KCNIP3: variants seen among roughly 807,000 people sequenced by gnomAD.
KCNIP3 encodes the protein potassium voltage-gated channel interacting protein 3.
A neutral mutation model predicts 35.0 loss-of-function variants in KCNIP3; 28 were observed. That is an observed-to-expected ratio of 0.80 (90% CI 0.59 to 1.10). The LOEUF (loss-of-function observed/expected upper bound fraction) is 1.10. Among genes scored for constraint, KCNIP3 ranks in the 50% least tolerant of loss-of-function variants. KCNIP3 has a pLI of 0.00. For missense variants in KCNIP3, 295 were observed against 338.4 expected (o/e 0.87, Z 1.01); for synonymous variants, 134 against 133.8 (o/e 1.00, Z -0.01).
chr2:95,369,481 T>C (rs1463392383), intron 2 of KCNIP3, among the ~76,000 whole-genome samples: 1 of 152,196 alleles, frequency 6.6e-6, no homozygotes, highest in African/African-American at 2.4e-5. Context: ...AATTGGTCCA[T>C]TTTATAGAAG....
intron 2 of KCNIP3, among the ~76,000 whole-genome samples, chr2:95,348,734 C>A (rs954882313): frequency 6.6e-6 from 1 of 152,206 alleles, no homozygotes; most frequent in Admixed American, 6.5e-5. Flanking sequence ...GCTCCGTTTT[C>A]TGTGGGTATG....
chr2:95,322,976 C>G (rs1386019363), intron 2 of KCNIP3, among the ~76,000 whole-genome samples: 1 of 152,226 alleles, frequency 6.6e-6, no homozygotes, highest in Non-Finnish European at 1.5e-5. Flanking sequence ...TCTTCTTTAC[C>G]CAGGAATTTG....
intron 2 of KCNIP3, among the ~76,000 whole-genome samples, chr2:95,316,287 G>A (rs1678458782): frequency 6.6e-6 from 1 of 152,248 alleles, no homozygotes; most frequent in African/African-American, 2.4e-5. Flanking sequence ...ACATTTAACT[G>A]TGGTGCACAG....
At chr2:95,351,656 A>G (rs1679526706) in intron 2 of KCNIP3, among the ~76,000 whole-genome samples, 2 of 152,318 alleles carry the variant, frequency 1.3e-5, no homozygotes, top group East Asian at 3.9e-4. Context: ...CCTGAAACCA[A>G]AACAAATTTA....
chr2:95,381,819 C>A, intron 6 of KCNIP3, 116 bp downstream of exon 6: 3 of 746,390 alleles, frequency 4.0e-6, no homozygotes, highest in Non-Finnish European at 4.6e-6. Flanking sequence ...CGCTGTCCAT[C>A]CAGAGACTGG....
At chr2:95,371,695 G>A (rs1380050109) in intron 2 of KCNIP3, among the ~76,000 whole-genome samples, 1 of 151,774 alleles carries the variant, frequency 6.6e-6, no homozygotes, top group Non-Finnish European at 1.5e-5. Flanking sequence ...TTAAAGCTCT[G>A]TTACTAGGTG....
chr2:95,328,648 G>A (rs533760508), intron 2 of KCNIP3, among the ~76,000 whole-genome samples: 93 of 152,362 alleles, frequency 6.1e-4, no homozygotes, highest in Admixed American at 1.7e-3. Context: ...TGTGACTGCC[G>A]TCCCTGTGTG....
At chr2:95,323,982 T>A (rs564545948) in intron 2 of KCNIP3, among the ~76,000 whole-genome samples, 1 of 152,172 alleles carries the variant, frequency 6.6e-6, no homozygotes, top group South Asian at 2.1e-4. Context: ...TCATCCACAC[T>A]CCGGGCCTGC....
At chr2:95,332,873 G>T (rs1256154477) in intron 2 of KCNIP3, among the ~76,000 whole-genome samples, 1 of 152,148 alleles carries the variant, frequency 6.6e-6, no homozygotes, top group East Asian at 1.9e-4. Flanking sequence ...GTCCCTCTGG[G>T]CCTCAATTTT....
chr2:95,346,904 T>G, intron 2 of KCNIP3: 1 of 468,998 alleles, frequency 2.1e-6, no homozygotes, highest in South Asian at 6.7e-5. Context: ...CGGGGGCATG[T>G]GAGCCGTCGC....
chr2:95,299,122 C>T (rs1202269282), intron 1 of KCNIP3: 3 of 152,304 alleles, frequency 2.0e-5, no homozygotes, highest in Non-Finnish European at 4.4e-5. Flanking sequence ...TGGTTCTTCC[C>T]TTGGCCATTG....
rs1252490396 is a variant in KCNIP3, at chr2:95,378,859, C to CATATATACACACACACACAT, written c.448-2709_448-2690dup. ...ATATTTATATACACATATATATACA[C>CATATATACACACACACACAT]ATATATACACACACACACATATATA... On this transcript the variant is annotated intron_variant, in intron 5 of 8. Coordinates refer to ENST00000295225, the MANE Select transcript of KCNIP3 (RefSeq NM_013434.5). The surrounding 1 kb of genome is among the most constrained non-coding windows in gnomAD (Gnocchi z 4.0). Among the ~76,000 whole-genome samples the CATATATACACACACACACAT allele has an allele frequency of 6.7e-6, 1 of 149,274 alleles. No homozygotes were observed. Among genetic ancestry groups the CATATATACACACACACACAT allele is most frequent in the African/African-American group, 2.5e-5 (1 of 40,004 alleles).
chr2:95,336,384 G>T (rs1679059328), intron 2 of KCNIP3, among the ~76,000 whole-genome samples: 3 of 152,160 alleles, frequency 2.0e-5, no homozygotes, highest in African/African-American at 7.2e-5. Flanking sequence ...AGCCTTCAAT[G>T]ATACAAGATC....
rs1387098507 is a variant in KCNIP3 at position 95,385,440 on chromosome 2, GGA to G, written c.*1398_*1399del. 1 of 152,974 alleles carries G rather than the reference GGA, an allele frequency of 6.5e-6. No individual in the cohort carries two copies. The highest frequency in any genetic ancestry group is 1.5e-5 in the Non-Finnish European group (1 of 68,294). 9.5% of individuals were successfully genotyped at this position (152,974 alleles called of 1,614,324 possible). A position where few individuals can be genotyped will look rare whatever the true frequency, so the allele number is the denominator to read the frequency against. ...GGGTGGTCAGCAGAAACCCCCAGGA[GGA>G]GAGAGATGCTGCTCCCGCCTGATTG... On this transcript the variant is annotated 3_prime_UTR_variant, in exon 9 of 9. Transcript: ENST00000295225.
rs942083922 is a variant in KCNIP3 at position 95,378,174 on chromosome 2, G to A, written c.447+2966G>A. Among the ~76,000 whole-genome samples, 8 of 152,122 alleles carry A rather than the reference G, an allele frequency of 5.3e-5. No individual in the cohort carries two copies. The highest frequency in any genetic ancestry group is 1.9e-4 in the African/African-American group (8 of 41,418). On this transcript the variant is annotated intron_variant, in intron 5 of 8. Coordinates refer to ENST00000295225, the MANE Select transcript of KCNIP3 (RefSeq NM_013434.5). The surrounding 1 kb of genome is among the most constrained non-coding windows in gnomAD (Gnocchi z 4.0). ...TTGTTTTATTTTTAGACAGGCTGGAGTGCAGTGGCACCACCATAGCTCATT... is the reference window on the plus strand; with the variant it reads ...TTGTTTTATTTTTAGACAGGCTGGAATGCAGTGGCACCACCATAGCTCATT...
At chr2:95,315,963 G>T (rs557920943) in intron 2 of KCNIP3, among the ~76,000 whole-genome samples, 1 of 152,192 alleles carries the variant, frequency 6.6e-6, no homozygotes. Context: ...GTTGATACTC[G>T]ATTGCTGTTG....
intron 2 of KCNIP3, chr2:95,346,726 G>GGGC (rs1426997464): frequency 1.3e-5 from 2 of 148,376 alleles, no homozygotes; most frequent in African/African-American, 4.9e-5. Flanking sequence ...GCTGCGTTTC[G>GGGC]CGCCGCCGCC....
chr2:95,312,877 A>G (rs1372729168), intron 2 of KCNIP3: 1 of 152,234 alleles, frequency 6.6e-6, no homozygotes, highest in Non-Finnish European at 1.5e-5. Context: ...TCCCTTGGCC[A>G]TAGCTCCCGG....
At chr2:95,314,310 G>A (rs1332261008) in intron 2 of KCNIP3, among the ~76,000 whole-genome samples, 1 of 152,232 alleles carries the variant, frequency 6.6e-6, no homozygotes, top group Non-Finnish European at 1.5e-5. Flanking sequence ...TGAGATGTCA[G>A]ATCAGTGCAA....
Sources: gnomAD v4.1 joint callset for allele counts (sites outside exome capture counted in the v4.1 genomes callset) on GRCh38, gnomAD v4.1.1 for gene constraint, Gnocchi (gnomAD v3.1) non-coding constraint, MANE v1.5 for transcripts, NCBI Gene and HGNC (gene_info 2026-07-23, HGNC 2026-07-21) for gene names.